PLEKHG3: variants seen among roughly 807,000 people sequenced by gnomAD.
The protein encoded by PLEKHG3 is pleckstrin homology domain-containing family G member 3.
PLEKHG3 carries 62 observed loss-of-function variants against 94.9 expected under a neutral mutation model. The ratio of observed to expected loss-of-function variants is 0.65; its 90% CI spans 0.53 to 0.81. PLEKHG3 has a LOEUF of 0.81. PLEKHG3 is among the 30% of genes least tolerant of loss of function. PLEKHG3 has a pLI of 0.00. For missense variants in PLEKHG3, 1,461 were observed against 1,619.3 expected, an observed-to-expected ratio of 0.90 and a Z score of 1.68; for synonymous variants, 614 against 654.0, an observed-to-expected ratio of 0.94 and a Z score of 0.93.
At position 64,741,149 on chromosome 14, in the gene PLEKHG3, G is replaced by C. The variant is rs746682207; in HGVS notation, c.1632G>C (p.Gln544His). 1 of 1,614,144 alleles carries C rather than the reference G, an allele frequency of 6.2e-7. No homozygotes were observed. Among genetic ancestry groups the C allele is most frequent in the Admixed American group, 1.7e-5 (1 of 60,026 alleles). Residue 544 changes from glutamine (Q) to histidine (H), a missense_variant, in exon 16 of 17, where the codon CAG (glutamine) becomes CAC (histidine). Coordinates refer to ENST00000247226, the MANE Select transcript of PLEKHG3 (RefSeq NM_001308147.2). ...AATCTCCAGAAGTCCTGGAGACACAGCTTGATGCCCACCAGGGCCTTCTGG... is the reference window on the plus strand; with the variant it reads ...AATCTCCAGAAGTCCTGGAGACACACCTTGATGCCCACCAGGGCCTTCTGG... ...DTESPEVLET[Q>H]LDAHQGLLGM...
At chr14:64,729,140 A>AGGTGGG in intron 3 of PLEKHG3, 47 bp downstream of exon 3, 2 of 847,646 alleles carry the variant, frequency 2.4e-6, no homozygotes, top group Non-Finnish European at 1.9e-6. Context: ...TGCGAGGCCC[A>AGGTGGG]CCTCAGGGCC....
rs1294359934 is a variant in PLEKHG3, at chr14:64,731,467, C to T, written c.956C>T (p.Thr319Ile). The change falls in exon 8 of 17, where the codon ACC becomes ATC. Residue 319 changes from threonine (T) to isoleucine (I), a missense_variant. Around this residue, in one of 3 missense-constraint regions of PLEKHG3, gnomAD observed 1,201 missense variants for 1,295.5 expected, o/e 0.93. Transcript: ENST00000247226. This position sits in a 1 kb window ranked among gnomAD's most constrained non-coding sequence, Gnocchi z 6.1. ...GTGCATCGCGTGCGCAATGAAAGGA[C>T]CTTTTTCCTCTTTGACAAAACACTG... ...FRVHRVRNER[T>I]FFLFDKTLLI... 6.2e-7 allele frequency: 1 copy of T among 1,614,120 alleles called. No individual in the cohort carries two copies. Among genetic ancestry groups the T allele is most frequent in the South Asian group, 1.1e-5 (1 of 91,086 alleles).
At chr14:64,709,318 C>T (rs557354855) in intron 1 of PLEKHG3, among the ~76,000 whole-genome samples, 30 of 152,258 alleles carry the variant, frequency 2.0e-4, no homozygotes, top group Non-Finnish European at 4.1e-4. Flanking sequence ...AGGGTCGAGT[C>T]CAGCCCTAGG....
At position 64,732,001 on chromosome 14, in the gene PLEKHG3, C is replaced by T. The variant is rs541399575; in HGVS notation, c.1126-94C>T. On this transcript the variant is annotated intron_variant, in intron 9 of 16. Coordinates refer to ENST00000247226, the MANE Select transcript of PLEKHG3 (RefSeq NM_001308147.2). The surrounding 1 kb of genome is among the most constrained non-coding windows in gnomAD (Gnocchi z 4.9). ...CCTCACAGAGGCCCCAGCATGGCCCCACTTTTTCTCCCTGGGTGGAAGCAC... is the reference window on the plus strand; with the variant it reads ...CCTCACAGAGGCCCCAGCATGGCCCTACTTTTTCTCCCTGGGTGGAAGCAC... 4.1e-5 allele frequency: 41 copies of T among 996,372 alleles called. No homozygotes were observed. Among genetic ancestry groups the T allele is most frequent in the Admixed American group, 7.0e-5 (4 of 57,262 alleles). 61.7% of individuals were successfully genotyped at this position (996,372 alleles called of 1,614,324 possible).
At position 64,742,224 on chromosome 14, in the gene PLEKHG3, C is replaced by T. The variant is rs1416589191; in HGVS notation, c.2707C>T (p.Leu903=). ...SSTQGELVAP[L]HPRIVQLSHV... is the part of the protein sequence containing the mutation. ...TACCCAGGGGGAGCTGGTGGCCCCA[C>T]TGCACCCCCGCATCGTGCAGCTCTC... Residue 903 remains leucine, a synonymous_variant, in exon 16 of 17, where the codon CTG becomes TTG. Coordinates refer to ENST00000247226, the MANE Select transcript of PLEKHG3 (RefSeq NM_001308147.2). 1.9e-6 allele frequency: 3 copies of T among 1,613,014 alleles called. No homozygotes were observed. Among genetic ancestry groups the T allele is most frequent in the South Asian group, 1.1e-5 (1 of 91,088 alleles).
At position 64,731,176 on chromosome 14, in the gene PLEKHG3, T is replaced by A; in HGVS notation, c.849+7T>A. On this transcript the variant is annotated splice_region_variant and intron_variant, in intron 7 of 16. Transcript: ENST00000247226. This position sits in a 1 kb window ranked among gnomAD's most constrained non-coding sequence, Gnocchi z 6.1. ...GCACGCGGTCCGGCTCCAGGTGCTCTGGGGCTGGGACGCTGGGGGAGGGGC... is the reference window on the plus strand; with the variant it reads ...GCACGCGGTCCGGCTCCAGGTGCTCAGGGGCTGGGACGCTGGGGGAGGGGC... 1 of 1,278,226 alleles carries A rather than the reference T, an allele frequency of 7.8e-7. No homozygotes were observed. Among genetic ancestry groups the A allele is most frequent in the South Asian group, 1.2e-5 (1 of 84,326 alleles). The allele number at this position is 1,278,226 out of a possible 1,614,324, so 79.2% of individuals were successfully genotyped here.
chr14:64,734,264 G>T, intron 12 of PLEKHG3, among the ~76,000 whole-genome samples: 1 of 152,078 alleles, frequency 6.6e-6, no homozygotes, highest in Non-Finnish European at 1.5e-5. Flanking sequence ...CTTCTCTCTA[G>T]CCCTCTTTCT....
chr14:64,704,433 C>CTCCCTCGCTCCCTCGCTCCCTCGT lies in PLEKHG3; in HGVS notation c.-297_-296insGCTCCCTCGTTCCCTCGCTCCCTC. 1 of 152,580 alleles carries CTCCCTCGCTCCCTCGCTCCCTCGT rather than the reference C, an allele frequency of 6.6e-6. No individual in the cohort carries two copies. The allele number at this position is 152,580 out of a possible 1,614,324, so 9.5% of individuals were successfully genotyped here. On this transcript the variant is annotated 5_prime_UTR_variant, in exon 1 of 17. Coordinates refer to ENST00000247226, the MANE Select transcript of PLEKHG3 (RefSeq NM_001308147.2). The surrounding 1 kb of genome is among the most constrained non-coding windows in gnomAD (Gnocchi z 5.6). Reference sequence around the variant, plus strand: ...GCTCCCTCGCTCCCTCGCTCCCTCGCTCCCTCGCTCCCTCCTGCCCTCCCG... The same window carrying CTCCCTCGCTCCCTCGCTCCCTCGT: ...GCTCCCTCGCTCCCTCGCTCCCTCGCTCCCTCGCTCCCTCGCTCCCTCGTTCCCTCGCTCCCTCCTGCCCTCCCG...
rs2081350894 is a variant in PLEKHG3 at position 64,726,248 on chromosome 14, G to A, written c.-39-1345G>A. 6.6e-6 allele frequency among the ~76,000 whole-genome samples: 1 copy of A among 152,126 alleles called. No homozygotes were observed. The highest frequency in any genetic ancestry group is 1.5e-5 in the Non-Finnish European group (1 of 68,008). ...CATAGGCACAGAAAACCAGGGGTCA[G>A]TGTCAAGGGTTCCCAGAGTAATGGC... On this transcript the variant is annotated intron_variant, in intron 1 of 16. Coordinates refer to ENST00000247226, the MANE Select transcript of PLEKHG3 (RefSeq NM_001308147.2). The surrounding 1 kb of genome is among the most constrained non-coding windows in gnomAD (Gnocchi z 5.1).
Position 64,730,150 on chromosome 14 carries a change from T to C in PLEKHG3, c.450-93T>C. The C allele has an allele frequency of 1.4e-6, 1 of 708,698 alleles. No individual in the cohort carries two copies. The highest frequency in any genetic ancestry group is 2.5e-6 in the Non-Finnish European group (1 of 403,476). 43.9% of individuals were successfully genotyped at this position (708,698 alleles called of 1,614,324 possible). A position where few individuals can be genotyped will look rare whatever the true frequency, so the allele number is the denominator to read the frequency against. On this transcript the variant is annotated intron_variant, in intron 3 of 16. Transcript: ENST00000247226. The surrounding 1 kb of genome is among the most constrained non-coding windows in gnomAD (Gnocchi z 5.4). ...TCTTTAGCAAAGCAATAGGGCTGGC[T>C]GTCAGTCAGGGTTTGGGAGGTTGGG...
chr14:64,743,130 TG>T lies in PLEKHG3; in HGVS notation c.3092del (p.Gly1031AlafsTer57). 6.2e-7 allele frequency: 1 copy of T among 1,612,018 alleles called. No individual in the cohort carries two copies. ...SAVSQRTTSP[G>X]GRPSARSPLS... ...CTGTCAGCCAGAGGACCACCTCGCC[TG>T]GGGGCCGGCCCTCCGCCCGGAGCCC... On this transcript the variant is annotated frameshift_variant, in exon 17 of 17. Coordinates refer to ENST00000247226, the MANE Select transcript of PLEKHG3 (RefSeq NM_001308147.2). LOFTEE classifies it low-confidence loss of function (END_TRUNC). The surrounding 1 kb of genome is among the most constrained non-coding windows in gnomAD (Gnocchi z 7.2).
rs1368955733 is a variant in PLEKHG3, at chr14:64,744,517, T to C, written c.*814T>C. 1.3e-5 allele frequency: 2 copies of C among 152,004 alleles called. No homozygotes were observed. The highest frequency in any genetic ancestry group is 2.9e-5 in the Non-Finnish European group (2 of 67,982). 9.4% of individuals were successfully genotyped at this position (152,004 alleles called of 1,614,324 possible). ...TGGTGGGGGAGGTGGGGCAGGAGGA[T>C]GTGAGGGCGGGCTTTTTCTTTCTGC... On this transcript the variant is annotated 3_prime_UTR_variant, in exon 17 of 17. Coordinates refer to ENST00000247226, the MANE Select transcript of PLEKHG3 (RefSeq NM_001308147.2).
chr14:64,740,856 A>G (rs2081671395), intron 15 of PLEKHG3, among the ~76,000 whole-genome samples, 180 bp from the exon 16 acceptor site: 1 of 152,196 alleles, frequency 6.6e-6, no homozygotes, highest in African/African-American at 2.4e-5. Flanking sequence ...ACTAAAGGAC[A>G]CAGTCATGTT....
chr14:64,724,545 G>T lies in PLEKHG3; in HGVS notation c.-39-3048G>T, dbSNP rs1487750827. 2.0e-5 allele frequency among the ~76,000 whole-genome samples: 3 copies of T among 152,256 alleles called. No homozygotes were observed. In the East Asian group the frequency reaches 5.8e-4, roughly 29 times the overall value. On this transcript the variant is annotated intron_variant, in intron 1 of 16. Transcript: ENST00000247226. ...CCATGACCTGTGATCCTTTGACCGG[G>T]AATCTGTATTTTACCATATTGTTCC...
At chr14:64,734,394 T>G (rs191103603) in intron 12 of PLEKHG3, among the ~76,000 whole-genome samples, 1 of 152,330 alleles carries the variant, frequency 6.6e-6, no homozygotes, top group East Asian at 1.9e-4. Flanking sequence ...GTGATAACGT[T>G]GGTGGTAGTG....
rs1167461318 is a variant in PLEKHG3 at position 64,730,990 on chromosome 14, G to A, written c.717+41G>A. The stretch of plus-strand genomic sequence containing the variant: ...TCCCAAGCACCTAGGGCCTGGGGAG[G>A]GCAGGGCCTTCGGGTCAGGGGCACC... On this transcript the variant is annotated intron_variant, in intron 6 of 16. Coordinates refer to ENST00000247226, the MANE Select transcript of PLEKHG3 (RefSeq NM_001308147.2). The surrounding 1 kb of genome is among the most constrained non-coding windows in gnomAD (Gnocchi z 5.4). 2 of 1,613,624 alleles carry A rather than the reference G, an allele frequency of 1.2e-6. No individual in the cohort carries two copies. The highest frequency in any genetic ancestry group is 8.5e-7 in the Non-Finnish European group (1 of 1,180,008).
rs759936783 is a variant in PLEKHG3, at chr14:64,743,321, G to T, written c.3278G>T (p.Gly1093Val). 1.2e-5 allele frequency: 20 copies of T among 1,607,832 alleles called. No homozygotes were observed. The East Asian group carries it at 4.5e-4, about 36-fold the overall frequency. ...AACATGGTAGAGCCACCTCTGTCGGGCAGGGTGGGCCGCTGCCGCAGCCTG... is the reference window on the plus strand; with the variant it reads ...AACATGGTAGAGCCACCTCTGTCGGTCAGGGTGGGCCGCTGCCGCAGCCTG... Reference protein sequence around the residue: ...PENMVEPPLSGRVGRCRSLST... With the variant: ...PENMVEPPLSVRVGRCRSLST... Residue 1093 changes from glycine to valine, a missense_variant, in exon 17 of 17, where the codon GGC (glycine) becomes GTC (valine). Physicochemically the swap from Gly to Val is moderately radical, Grantham distance 109 (BLOSUM62 -3). Coordinates refer to ENST00000247226, the MANE Select transcript of PLEKHG3 (RefSeq NM_001308147.2). The surrounding 1 kb of genome is among the most constrained non-coding windows in gnomAD (Gnocchi z 7.2).
chr14:64,720,043 C>G lies in PLEKHG3; in HGVS notation c.-39-7550C>G, dbSNP rs1376446104. 6.6e-6 allele frequency among the ~76,000 whole-genome samples: 1 copy of G among 152,220 alleles called. No homozygotes were observed. Among genetic ancestry groups the G allele is most frequent in the African/African-American group, 2.4e-5 (1 of 41,460 alleles). ...AGTTGTGCTGGCAGCCAAGTTACCT[C>G]TACACTGGCTGTGAACAAGAGCAAT... On this transcript the variant is annotated intron_variant, in intron 1 of 16. Transcript: ENST00000247226. This position sits in a 1 kb window ranked among gnomAD's most constrained non-coding sequence, Gnocchi z 4.1.
At chr14:64,737,050 C>G in intron 13 of PLEKHG3, 159 bp downstream of exon 13, 1 of 706,138 alleles carries the variant, frequency 1.4e-6, no homozygotes, top group Non-Finnish European at 2.6e-6. Flanking sequence ...GGCCTCGCCC[C>G]TGGCTGGCTG....
Sources: gnomAD v4.1 joint callset for allele counts (sites outside exome capture counted in the v4.1 genomes callset) on GRCh38, gnomAD v4.1.1 for gene constraint, gnomAD v4.1.1 regional missense constraint, Gnocchi (gnomAD v3.1) non-coding constraint, MANE v1.5 for transcripts, NCBI Gene and HGNC (gene_info 2026-07-23, HGNC 2026-07-21) for gene names.